DOCK8: variants seen among roughly 807,000 people sequenced by gnomAD.
DOCK8 encodes the protein dedicator of cytokinesis protein 8.
DOCK8 carries 141 observed loss-of-function variants against 245.6 expected under a neutral mutation model. The ratio of observed to expected loss-of-function variants is 0.57; its 90% CI spans 0.50 to 0.66. DOCK8 has a LOEUF of 0.66. DOCK8 is among the 30% of genes least tolerant of loss of function. The pLI is 0.00. For synonymous variants in DOCK8, 1,168 were observed against 970.2 expected, an observed-to-expected ratio of 1.20 and a Z score of -3.79; for missense variants, 2,965 against 2,603.4, an observed-to-expected ratio of 1.14 and a Z score of -3.02.
intron 6 of DOCK8, 54 bp downstream of exon 6, chr9:312,220 T>A: frequency 6.3e-7 from 1 of 1,579,174 alleles, no homozygotes; most frequent in Non-Finnish European, 8.7e-7. Context: ...CTGAGAGTCA[T>A]GTGGACAATT....
At chr9:413,175 A>G (rs1437029274) in intron 28 of DOCK8, among the ~76,000 whole-genome samples, 2 of 152,216 alleles carry the variant, frequency 1.3e-5, no homozygotes, top group Non-Finnish European at 2.9e-5. Context: ...AGAATTTTCA[A>G]TAAATGGTGT....
At chr9:319,709 C>T (rs1309652832) in intron 7 of DOCK8, among the ~76,000 whole-genome samples, 2 of 151,402 alleles carry the variant, frequency 1.3e-5, no homozygotes, top group Non-Finnish European at 2.9e-5. Context: ...CTCTGTATTG[C>T]TTTTCAGAAA....
At chr9:283,811 G>A (rs942685637) in intron 2 of DOCK8, among the ~76,000 whole-genome samples, 3 of 152,088 alleles carry the variant, frequency 2.0e-5, no homozygotes, top group Non-Finnish European at 4.4e-5. Context: ...ATGTGTATAA[G>A]GTGTATATGA....
At chr9:450,022 TTGATCCATAGACAAACACAGAA>T (rs2057378698) in intron 45 of DOCK8, 95 bp downstream of exon 45, 5 of 1,379,940 alleles carry the variant, frequency 3.6e-6, no homozygotes, top group Non-Finnish European at 5.0e-6. Context: ...GATGAGGACT[TTGATCCATAGACAAACACAGAA>T]ATGTTCCTAC....
chr9:317,184 A>T, intron 7 of DOCK8, 56 bp downstream of exon 7: 1 of 1,350,712 alleles, frequency 7.4e-7, no homozygotes, highest in East Asian at 2.3e-5. Flanking sequence ...CCTTTTACAT[A>T]CAAATGTTGT....
chr9:249,509 C>G (rs1168196032), intron 1 of DOCK8, among the ~76,000 whole-genome samples: 1 of 152,102 alleles, frequency 6.6e-6, no homozygotes, highest in Non-Finnish European at 1.5e-5. Context: ...TCTGCCATGC[C>G]AAACTATTAA....
intron 3 of DOCK8, 46 bp downstream of exon 3, chr9:286,682 T>A (rs759302692): frequency 6.3e-7 from 1 of 1,592,000 alleles, no homozygotes. Context: ...TTGTCATGAT[T>A]GTTTTCAATA....
chr9:248,529 CTCT>C (rs1309154196), intron 1 of DOCK8, among the ~76,000 whole-genome samples: 4 of 87,650 alleles, frequency 4.6e-5, no homozygotes, highest in African/African-American at 1.2e-4. Flanking sequence ...CCCTCCCTCT[CTCT>C]CTTTCTTTCT....
intron 14 of DOCK8, among the ~76,000 whole-genome samples, chr9:346,476 C>T (rs1423177506): frequency 3.3e-5 from 5 of 152,102 alleles, no homozygotes; most frequent in Non-Finnish European, 7.4e-5. Flanking sequence ...CCCTGCCGTC[C>T]CTTTAATGGG....
chr9:311,619 A>G (rs2050114601), intron 5 of DOCK8, among the ~76,000 whole-genome samples: 1 of 152,120 alleles, frequency 6.6e-6, no homozygotes, highest in Admixed American at 6.5e-5. Context: ...AGCATGGTTC[A>G]TTAAGAGGCT....
chr9:396,913 C>A lies in DOCK8; in HGVS notation c.3099C>A (p.Ala1033=), dbSNP rs2054488932. The part of the protein sequence containing the change: ...IVNVVTSEIA[A]LLVKPQKENE... ...ATGTGGTCACCTCGGAAATTGCAGCCCTTTTAGTAAAACCACAGAAGGTAA... is the reference window on the plus strand; with the variant it reads ...ATGTGGTCACCTCGGAAATTGCAGCACTTTTAGTAAAACCACAGAAGGTAA... The change falls in exon 25 of 48, where the codon GCC becomes GCA. Residue 1033 remains alanine, a synonymous_variant. Coordinates refer to ENST00000432829, the MANE Select transcript of DOCK8 (RefSeq NM_203447.4). The A allele has an allele frequency of 6.2e-7, 1 of 1,613,960 alleles. No individual in the cohort carries two copies. Among genetic ancestry groups the A allele is most frequent in the South Asian group, 1.1e-5 (1 of 91,072 alleles).
intron 4 of DOCK8, among the ~76,000 whole-genome samples, chr9:304,161 T>C (rs1192408550): frequency 2.6e-5 from 4 of 152,252 alleles, no homozygotes; most frequent in African/African-American, 9.6e-5. Flanking sequence ...TATTCATTAT[T>C]AAGAACATTG....
chr9:385,496 T>C (rs2053914657), intron 22 of DOCK8, among the ~76,000 whole-genome samples: 1 of 152,226 alleles, frequency 6.6e-6, no homozygotes, highest in African/African-American at 2.4e-5. Flanking sequence ...TTTCACTATA[T>C]GCTACAATAT....
chr9:458,243 A>G (rs950015071), intron 46 of DOCK8: 3 of 152,172 alleles, frequency 2.0e-5, no homozygotes, highest in African/African-American at 7.2e-5. Context: ...TCTCGTGGTC[A>G]TGATATGGTT....
chr9:307,870 A>T (rs1427022976), intron 5 of DOCK8, among the ~76,000 whole-genome samples: 1 of 152,236 alleles, frequency 6.6e-6, no homozygotes, highest in Non-Finnish European at 1.5e-5. Flanking sequence ...TACACGATAG[A>T]ATACTATTCA....
intron 1 of DOCK8, among the ~76,000 whole-genome samples, chr9:236,710 C>T (rs2047257887): frequency 6.6e-6 from 1 of 152,176 alleles, no homozygotes; most frequent in African/African-American, 2.4e-5. Context: ...ACGAAACCAA[C>T]AAAAACTTGT....
intron 2 of DOCK8, among the ~76,000 whole-genome samples, chr9:285,562 C>G (rs979851658): frequency 6.6e-6 from 1 of 152,120 alleles, no homozygotes; most frequent in African/African-American, 2.4e-5. Context: ...TCTACTTGAT[C>G]TAAGGGATTC....
At chr9:287,066 T>G (rs1032581153) in intron 3 of DOCK8, among the ~76,000 whole-genome samples, 1 of 152,228 alleles carries the variant, frequency 6.6e-6, no homozygotes, top group Non-Finnish European at 1.5e-5. Context: ...CTTACAGTTA[T>G]GAGACTGGAT....
chr9:242,893 G>A (rs550879543), intron 1 of DOCK8, among the ~76,000 whole-genome samples: 56 of 151,766 alleles, frequency 3.7e-4, no homozygotes, highest in Non-Finnish European at 6.5e-4. Context: ...AAAGTTGGAC[G>A]CTGTCCACTC....
Sources: gnomAD v4.1 joint callset for allele counts (sites outside exome capture counted in the v4.1 genomes callset) on GRCh38, gnomAD v4.1.1 for gene constraint, MANE v1.5 for transcripts, NCBI Gene and HGNC (gene_info 2026-07-23, HGNC 2026-07-21) for gene names.